The following ZNF486 variants were observed in gnomAD, a reference collection of about 807,000 sequenced individuals.
ZNF486 encodes zinc finger protein 486.
ZNF486 carries 12 observed loss-of-function variants against 12.8 expected under a neutral mutation model. That is an observed-to-expected ratio of 0.94 (90% CI 0.60 to 1.52). The LOEUF is 1.52. Ranked by LOEUF, ZNF486 falls within the 40% of genes most tolerant of loss-of-function variation. The pLI is 0.00. For missense variants in ZNF486, 738 were observed against 545.0 expected (o/e 1.35, Z -3.53); for synonymous variants, 231 against 184.9 (o/e 1.25, Z -2.02).
intron 2 of ZNF486, among the ~76,000 whole-genome samples, chr19:20,185,005 G>C (rs183271125): frequency 6.6e-6 from 1 of 152,068 alleles, no homozygotes; most frequent in South Asian, 2.1e-4. Flanking sequence ...CAGCTACTCC[G>C]GAGGCTGAGG....
At chr19:20,181,043 T>C (rs1011509985) in intron 1 of ZNF486, among the ~76,000 whole-genome samples, 1 of 152,096 alleles carries the variant, frequency 6.6e-6, no homozygotes, top group Non-Finnish European at 1.5e-5. Context: ...CCCAGTGGCA[T>C]AGAGAACAGA....
intron 3 of ZNF486, chr19:20,188,786 TCA>T (rs1171577724): frequency 8.5e-6 from 2 of 235,680 alleles, no homozygotes; most frequent in Non-Finnish European, 1.6e-5. Flanking sequence ...TTACCCTCTC[TCA>T]CCCTCGACAG....
In ZNF486 at chr19:20,167,238, A is replaced by G. The variant is rs782716252; in HGVS notation, c.-93A>G. The G allele has an allele frequency of 1.3e-6, 2 of 1,501,026 alleles. No homozygotes were observed. Among genetic ancestry groups the G allele is most frequent in the Non-Finnish European group, 1.9e-6 (2 of 1,078,088 alleles). The allele number at this position is 1,501,026 out of a possible 1,614,324, so 93.0% of individuals were successfully genotyped here. On this transcript the variant is annotated 5_prime_UTR_variant, in exon 1 of 4. Transcript: ENST00000335117. ...TGTCTCTCGCTGCATCTGGAGCTCT[A>G]GGTCGCCTCTTCGCTACTCTGTGTC...
chr19:20,184,948 C>T (rs1003337177), intron 2 of ZNF486, among the ~76,000 whole-genome samples: 19 of 152,064 alleles, frequency 1.2e-4, no homozygotes, highest in African/African-American at 4.3e-4. Flanking sequence ...CCCGCCTATA[C>T]TAAAAATACA....
At chr19:20,172,700 C>A (rs767324992) in intron 1 of ZNF486, among the ~76,000 whole-genome samples, 1 of 147,620 alleles carries the variant, frequency 6.8e-6, no homozygotes, top group Non-Finnish European at 1.5e-5. Context: ...AGTGCAGTGG[C>A]ACTATCTCGG....
intron 1 of ZNF486, among the ~76,000 whole-genome samples, chr19:20,173,426 T>C (rs782392346): frequency 6.6e-6 from 1 of 152,176 alleles, no homozygotes; most frequent in Non-Finnish European, 1.5e-5. Context: ...TGTGCACTCA[T>C]GGATTTTATA....
At chr19:20,168,768 G>A (rs1568314300) in intron 1 of ZNF486, among the ~76,000 whole-genome samples, 1 of 152,256 alleles carries the variant, frequency 6.6e-6, no homozygotes, top group East Asian at 1.9e-4. Context: ...GAATAACACT[G>A]ACATGGAAAT....
intron 3 of ZNF486, among the ~76,000 whole-genome samples, chr19:20,194,172 A>T (rs1399500479): frequency 2.0e-5 from 3 of 152,134 alleles, no homozygotes; most frequent in Non-Finnish European, 2.9e-5. Flanking sequence ...TTTTCCAGAA[A>T]GTTATGTATT....
rs1555713098 is a variant in ZNF486, at chr19:20,167,225, C to T, written c.-106C>T. 18 of 1,402,826 alleles carry T rather than the reference C, an allele frequency of 1.3e-5. No homozygotes were observed. Among genetic ancestry groups the T allele is most frequent in the Non-Finnish European group, 1.7e-5 (17 of 990,120 alleles). The allele number at this position is 1,402,826 out of a possible 1,614,324, so 86.9% of individuals were successfully genotyped here. A position where few individuals can be genotyped will look rare whatever the true frequency, so the allele number is the denominator to read the frequency against. On this transcript the variant is annotated 5_prime_UTR_variant, in exon 1 of 4. Transcript: ENST00000335117. Reference sequence around the variant, plus strand: ...TTGGCGCGGCCTTTGTCTCTCGCTGCATCTGGAGCTCTAGGTCGCCTCTTC... The same window carrying T: ...TTGGCGCGGCCTTTGTCTCTCGCTGTATCTGGAGCTCTAGGTCGCCTCTTC...
chr19:20,169,986 G>A (rs1470456061), intron 1 of ZNF486, among the ~76,000 whole-genome samples: 4 of 150,686 alleles, frequency 2.7e-5, no homozygotes, highest in African/African-American at 9.8e-5. Flanking sequence ...CGCCTCCCGG[G>A]TTCACGCCAT....
At chr19:20,171,166 T>C (rs140349873) in intron 1 of ZNF486, among the ~76,000 whole-genome samples, 2 of 152,156 alleles carry the variant, frequency 1.3e-5, no homozygotes, top group Admixed American at 6.6e-5. Context: ...TAAAAAGATA[T>C]CACAGAGGCC....
At chr19:20,184,527 T>C (rs1555716071) in intron 2 of ZNF486, 45 bp downstream of exon 2, 2 of 1,528,138 alleles carry the variant, frequency 1.3e-6, no homozygotes, top group Middle Eastern at 1.8e-4. Context: ...CCCCAAAAGT[T>C]TTATTTCTCT....
At chr19:20,185,242 A>T (rs1271460222) in intron 2 of ZNF486, among the ~76,000 whole-genome samples, 1 of 151,980 alleles carries the variant, frequency 6.6e-6, no homozygotes, top group African/African-American at 2.4e-5. Flanking sequence ...TTTTTAAAGA[A>T]ATTTATTATT....
At chr19:20,182,407 A>G (rs1555715720) in intron 1 of ZNF486, among the ~76,000 whole-genome samples, 2 of 152,130 alleles carry the variant, frequency 1.3e-5, no homozygotes, top group African/African-American at 4.8e-5. Flanking sequence ...ATTTGCAGAA[A>G]CCTCTTGTGC....
In ZNF486 at chr19:20,194,938, G is replaced by GT. The variant is rs35561157; in HGVS notation, c.254-2020dup. On this transcript the variant is annotated intron_variant, in intron 3 of 3. Coordinates refer to ENST00000335117, the MANE Select transcript of ZNF486 (RefSeq NM_052852.4). ...ATATTTTCTTTTAATAAATTTTTCA[G>GT]TTTTTTATATTTTTTATATCCACGA... Among the ~76,000 whole-genome samples, 5 of 151,854 alleles carry GT rather than the reference G, an allele frequency of 3.3e-5. No individual in the cohort carries two copies. The East Asian group carries it at 7.7e-4, about 23-fold the overall frequency.
At chr19:20,177,843 T>C (rs1286323418) in intron 1 of ZNF486, among the ~76,000 whole-genome samples, 1 of 151,896 alleles carries the variant, frequency 6.6e-6, no homozygotes, top group African/African-American at 2.4e-5. Flanking sequence ...CCCAAAGTGC[T>C]GGGATTACAG....
rs560740321 is a variant in ZNF486, at chr19:20,167,717, C to T, written c.30+357C>T. ...TTCACGATTCGGAAGAGCTTTGGTC[C>T]GTGGGGTTCACAGTTTCTCTTTTCT... On this transcript the variant is annotated intron_variant, in intron 1 of 3. Transcript: ENST00000335117. Among the ~76,000 whole-genome samples the T allele has an allele frequency of 2.6e-5, 4 of 152,168 alleles. No individual in the cohort carries two copies. The East Asian group carries it at 7.7e-4, about 29-fold the overall frequency.
chr19:20,190,067 A>G (rs1373155933), intron 3 of ZNF486, among the ~76,000 whole-genome samples: 2 of 152,086 alleles, frequency 1.3e-5, no homozygotes, highest in Non-Finnish European at 2.9e-5. Flanking sequence ...ACTTTTCTCT[A>G]TTTTGTACTC....
At chr19:20,180,571 GTTA>G (rs1358579420) in intron 1 of ZNF486, among the ~76,000 whole-genome samples, 4 of 152,124 alleles carry the variant, frequency 2.6e-5, no homozygotes, top group Non-Finnish European at 5.9e-5. Flanking sequence ...TAGAATAATT[GTTA>G]TTATAATTTT....
Sources: gnomAD v4.1 joint callset for allele counts (sites outside exome capture counted in the v4.1 genomes callset) on GRCh38, gnomAD v4.1.1 for gene constraint, MANE v1.5 for transcripts, NCBI Gene and HGNC (gene_info 2026-07-23, HGNC 2026-07-21) for gene names.